FAM222B: variants seen among roughly 807,000 people sequenced by gnomAD.
FAM222B encodes protein FAM222B.
Under a neutral mutation model 38.0 loss-of-function variants are expected in FAM222B, and 12 were observed. That is an observed-to-expected ratio of 0.32 (90% CI 0.20 to 0.51). The LOEUF (loss-of-function observed/expected upper bound fraction) is 0.51, where lower values mean the gene tolerates loss of function less well. Ranked by LOEUF, FAM222B falls within the 20% of genes least tolerant of loss-of-function variation. The pLI is 0.97. For synonymous variants in FAM222B, 329 were observed against 317.2 expected (o/e 1.04, Z -0.40); for missense variants, 716 against 754.2 (o/e 0.95, Z 0.59).
chr17:28,800,625 C>G (rs534834496), intron 1 of FAM222B, among the ~76,000 whole-genome samples: 1 of 152,048 alleles, frequency 6.6e-6, no homozygotes, highest in Non-Finnish European at 1.5e-5. Flanking sequence ...TTGCCAGGGA[C>G]TATGGAAATA....
intron 1 of FAM222B, among the ~76,000 whole-genome samples, chr17:28,842,453 C>A (rs544361361): frequency 9.9e-5 from 15 of 152,134 alleles, no homozygotes; most frequent in Admixed American, 5.2e-4. Context: ...TACAAATGGG[C>A]TGCTTCACTC....
At chr17:28,782,904 G>A (rs536914719) in intron 1 of FAM222B, among the ~76,000 whole-genome samples, 38 of 152,154 alleles carry the variant, frequency 2.5e-4, no homozygotes, top group African/African-American at 8.7e-4. Context: ...TTGGGAGGCC[G>A]AGGCAGGCGG....
At chr17:28,821,223 G>A (rs777884960) in intron 1 of FAM222B, among the ~76,000 whole-genome samples, 17 of 152,092 alleles carry the variant, frequency 1.1e-4, no homozygotes, top group Non-Finnish European at 4.4e-5. Flanking sequence ...CAAAGTGCGG[G>A]ATTACAGGTG....
At chr17:28,770,508 T>C (rs1458381719) in intron 1 of FAM222B, among the ~76,000 whole-genome samples, 1 of 152,008 alleles carries the variant, frequency 6.6e-6, no homozygotes. Flanking sequence ...GTTCAAGCGA[T>C]TCTCCTGCCT....
chr17:28,828,638 TAG>T (rs1045819932), intron 1 of FAM222B, among the ~76,000 whole-genome samples: 3 of 152,072 alleles, frequency 2.0e-5, no homozygotes, highest in African/African-American at 7.2e-5. Flanking sequence ...TTAAATTTTC[TAG>T]ACTTTTCACT....
intron 1 of FAM222B, among the ~76,000 whole-genome samples, chr17:28,804,223 G>A (rs1012503837): frequency 2.0e-4 from 30 of 152,042 alleles, no homozygotes; most frequent in African/African-American, 6.8e-4. Flanking sequence ...CTGGTTCTCG[G>A]GCTTGCAGAC....
chr17:28,758,063 AG>A lies in FAM222B; in HGVS notation c.*206del, dbSNP rs2034793338. The A allele has an allele frequency of 8.1e-6, 4 of 493,780 alleles. No homozygotes were observed. In the Admixed American group the frequency reaches 1.5e-4, roughly 19 times the overall value. The allele number at this position is 493,780 out of a possible 1,614,324, so 30.6% of individuals were successfully genotyped here. ...GAGAGAAAAGCCTGGGCTTAGGGTT[AG>A]GTTCTAACATAAAACCAAAAGTTGC... On this transcript the variant is annotated 3_prime_UTR_variant, in exon 3 of 3. Transcript: ENST00000581407.
chr17:28,765,147 G>A (rs1280755886), intron 2 of FAM222B, among the ~76,000 whole-genome samples: 4 of 152,194 alleles, frequency 2.6e-5, no homozygotes, highest in Non-Finnish European at 5.9e-5. Flanking sequence ...TTATTACATA[G>A]AGCTGGATTC....
At chr17:28,762,401 G>A (rs891946973) in intron 2 of FAM222B, among the ~76,000 whole-genome samples, 9 of 152,194 alleles carry the variant, frequency 5.9e-5, no homozygotes, top group African/African-American at 2.2e-4. Context: ...GCCGAGGCGG[G>A]TGGATCATGA....
At chr17:28,839,333 G>A (rs769704271) in intron 1 of FAM222B, among the ~76,000 whole-genome samples, 2 of 152,100 alleles carry the variant, frequency 1.3e-5, no homozygotes, top group South Asian at 2.1e-4. Flanking sequence ...CTTCTCACAC[G>A]AAAGGCAATC....
chr17:28,766,582 T>C lies in FAM222B; in HGVS notation c.82+4A>G, dbSNP rs2035339182. The C allele has an allele frequency of 1.3e-6, 2 of 1,591,346 alleles. No homozygotes were observed. The highest frequency in any genetic ancestry group is 1.1e-5 in the South Asian group (1 of 87,332). On this transcript the variant is annotated splice_donor_region_variant and intron_variant, in intron 2 of 2. Transcript: ENST00000581407. ...ACATGCTCCATAGGATCCAGATTAC[T>C]TACATTTCTGAAGTCCAGTGTTCAT... is the stretch of plus-strand genomic sequence containing the variant.
At chr17:28,766,896 G>C in intron 1 of FAM222B, 189 bp from the exon 2 acceptor site, 1 of 516,108 alleles carries the variant, frequency 1.9e-6, no homozygotes, top group South Asian at 2.4e-5. Context: ...TATCACTATG[G>C]TTAAAATGAT....
chr17:28,766,546 C>A, intron 2 of FAM222B, 40 bp downstream of exon 2: 1 of 1,535,588 alleles, frequency 6.5e-7, no homozygotes, highest in Non-Finnish European at 8.9e-7. Context: ...GAGACAAAAA[C>A]AAAGAATCAC....
At chr17:28,847,892 C>G (rs1470477963) in intron 1 of FAM222B, among the ~76,000 whole-genome samples, 2 of 143,520 alleles carry the variant, frequency 1.4e-5, no homozygotes, top group Non-Finnish European at 3.0e-5. Context: ...CCGGCCTGGG[C>G]GAAAGAGCGA....
At chr17:28,810,284 C>A (rs1163297407) in intron 1 of FAM222B, among the ~76,000 whole-genome samples, 2 of 152,112 alleles carry the variant, frequency 1.3e-5, no homozygotes, top group African/African-American at 4.8e-5. Context: ...GCCATTGCAC[C>A]CCGCCTTCCA....
chr17:28,769,497 C>A (rs1239622025), intron 1 of FAM222B, among the ~76,000 whole-genome samples: 2 of 151,848 alleles, frequency 1.3e-5, no homozygotes, highest in Non-Finnish European at 2.9e-5. Flanking sequence ...GGGTTTCACC[C>A]CATGTTGGCC....
In FAM222B at chr17:28,771,988, C is replaced by T. The variant is rs375202681; in HGVS notation, c.-40-5281G>A. Among the ~76,000 whole-genome samples, 32 of 152,178 alleles carry T rather than the reference C, an allele frequency of 2.1e-4. 1 individual carries two copies. The highest frequency in any genetic ancestry group is 5.5e-4 in the African/African-American group (23 of 41,530). On this transcript the variant is annotated intron_variant, in intron 1 of 2. Coordinates refer to ENST00000581407, the MANE Select transcript of FAM222B (RefSeq NM_001077498.3). ...AGGAGAATGGCATGAACCCGGGAGG[C>T]GGAGCTTGCAGTGAGCCAAGATGGC...
chr17:28,806,565 G>A (rs1247638709), intron 1 of FAM222B, among the ~76,000 whole-genome samples: 1 of 152,086 alleles, frequency 6.6e-6, no homozygotes, highest in Non-Finnish European at 1.5e-5. Flanking sequence ...AGGCCAGCCT[G>A]GGCAATATAA....
chr17:28,824,141 T>C (rs1190629336), intron 1 of FAM222B, among the ~76,000 whole-genome samples: 2 of 151,976 alleles, frequency 1.3e-5, no homozygotes, highest in Admixed American at 1.3e-4. Context: ...CCTCCCAAAG[T>C]GCTGGGATTA....
Sources: gnomAD v4.1 joint callset for allele counts (sites outside exome capture counted in the v4.1 genomes callset) on GRCh38, gnomAD v4.1.1 for gene constraint, MANE v1.5 for transcripts, NCBI Gene and HGNC (gene_info 2026-07-23, HGNC 2026-07-21) for gene names.